Variants in SPATA17 observed in about 807,000 individuals in gnomAD.
SPATA17 encodes spermatogenesis associated 17.
SPATA17 carries 53 observed loss-of-function variants against 62.2 expected under a neutral mutation model. That is an observed-to-expected ratio of 0.85 (90% CI 0.68 to 1.07). The LOEUF is 1.07. Ranked by LOEUF, SPATA17 falls within the 50% of genes least tolerant of loss-of-function variation. SPATA17 has a pLI of 0.00. For synonymous variants in SPATA17, 146 were observed against 146.8 expected (o/e 0.99, Z 0.04); for missense variants, 466 against 425.5 (o/e 1.10, Z -0.84).
At chr1:217,712,815 G>A (rs1398422674) in intron 5 of SPATA17, among the ~76,000 whole-genome samples, 1 of 152,130 alleles carries the variant, frequency 6.6e-6, no homozygotes, top group Non-Finnish European at 1.5e-5. Flanking sequence ...GGGCTCAGCA[G>A]GGGATGTTTT....
At chr1:217,863,474 C>T (rs74447549) in intron 10 of SPATA17, among the ~76,000 whole-genome samples, 1,584 of 152,062 alleles carry the variant, frequency 0.01, 24 homozygotes, top group African/African-American at 0.035. Context: ...TTACACAATA[C>T]GGTGAAAAAA....
At chr1:217,859,565 A>G (rs1023902802) in intron 9 of SPATA17, among the ~76,000 whole-genome samples, 2 of 151,740 alleles carry the variant, frequency 1.3e-5, no homozygotes, top group African/African-American at 4.8e-5. Context: ...ACACCACAAT[A>G]CCCAGCCAAT....
At chr1:217,850,921 A>T (rs1675637957) in intron 9 of SPATA17, among the ~76,000 whole-genome samples, 1 of 152,178 alleles carries the variant, frequency 6.6e-6, no homozygotes, top group Non-Finnish European at 1.5e-5. Context: ...TGAGAAAGGT[A>T]TGATTATGCA....
chr1:217,676,418 G>A (rs1341071546), intron 4 of SPATA17, among the ~76,000 whole-genome samples: 1 of 151,864 alleles, frequency 6.6e-6, no homozygotes, highest in African/African-American at 2.4e-5. Flanking sequence ...TACCGTGCCT[G>A]TTTTGGGCCC....
intron 5 of SPATA17, among the ~76,000 whole-genome samples, chr1:217,707,192 G>GAC (rs2102923782): frequency 6.6e-6 from 1 of 152,202 alleles, no homozygotes; most frequent in South Asian, 2.1e-4. Context: ...TGTGGCTATT[G>GAC]TTAATGGCAT....
intron 5 of SPATA17, among the ~76,000 whole-genome samples, chr1:217,708,217 G>A (rs147232306): frequency 4.6e-5 from 7 of 152,242 alleles, no homozygotes; most frequent in African/African-American, 1.7e-4. Flanking sequence ...GAGCTGAAAT[G>A]AAGGAAGTTG....
intron 7 of SPATA17, among the ~76,000 whole-genome samples, chr1:217,775,429 G>T (rs572025385): frequency 6.6e-6 from 1 of 152,192 alleles, no homozygotes; most frequent in South Asian, 2.1e-4. Context: ...ACAGGGCTGG[G>T]CACAGTGGTT....
At chr1:217,775,725 A>G (rs1321894149) in intron 7 of SPATA17, among the ~76,000 whole-genome samples, 1 of 152,036 alleles carries the variant, frequency 6.6e-6, no homozygotes, top group African/African-American at 2.4e-5. Context: ...TAATCTATCT[A>G]TCTATCTATA....
chr1:217,704,146 G>A (rs1671671341), intron 5 of SPATA17, among the ~76,000 whole-genome samples: 1 of 142,216 alleles, frequency 7.0e-6, no homozygotes, highest in Non-Finnish European at 1.5e-5. Flanking sequence ...GTGGTTGGGT[G>A]TACAGATTTT....
chr1:217,770,148 A>G (rs1247845919), intron 6 of SPATA17, among the ~76,000 whole-genome samples: 1 of 152,224 alleles, frequency 6.6e-6, no homozygotes, highest in Non-Finnish European at 1.5e-5. Flanking sequence ...GGCTTAGTAT[A>G]TCATTTTTTA....
chr1:217,865,129 A>G (rs1311532264), intron 10 of SPATA17, among the ~76,000 whole-genome samples: 1 of 152,168 alleles, frequency 6.6e-6, no homozygotes, highest in Non-Finnish European at 1.5e-5. Context: ...CATTTCACCA[A>G]ATACAACAAA....
chr1:217,704,567 G>A (rs755753343), intron 5 of SPATA17, among the ~76,000 whole-genome samples: 5 of 152,092 alleles, frequency 3.3e-5, no homozygotes, highest in Non-Finnish European at 4.4e-5. Context: ...CTACCTTTAA[G>A]TGGTCTCTGA....
intron 5 of SPATA17, among the ~76,000 whole-genome samples, chr1:217,686,306 A>C (rs1239513695): frequency 6.6e-6 from 1 of 152,172 alleles, no homozygotes; most frequent in African/African-American, 2.4e-5. Flanking sequence ...ACCTTAATTC[A>C]CGTTTTTATA....
intron 6 of SPATA17, among the ~76,000 whole-genome samples, chr1:217,745,641 A>C (rs767253152): frequency 6.6e-6 from 1 of 152,136 alleles, no homozygotes. Context: ...ACTTAAACTT[A>C]TCAGTTAATC....
intron 5 of SPATA17, among the ~76,000 whole-genome samples, chr1:217,695,777 T>TG (rs1348923481): frequency 1.2e-5 from 1 of 85,008 alleles, no homozygotes; most frequent in Non-Finnish European, 2.4e-5. Flanking sequence ...GTGCCCCTGC[T>TG]GGGGGGTGCC....
chr1:217,802,384 T>C (rs565869665), intron 9 of SPATA17, among the ~76,000 whole-genome samples: 1 of 152,318 alleles, frequency 6.6e-6, no homozygotes, highest in Non-Finnish European at 1.5e-5. Flanking sequence ...TTATGTGATA[T>C]ATTAGTCTAT....
At chr1:217,774,675 A>C (rs1195704016) in intron 7 of SPATA17, 138 bp downstream of exon 7, 1 of 706,666 alleles carries the variant, frequency 1.4e-6, no homozygotes, top group East Asian at 2.7e-5. Flanking sequence ...ATTTTTGTGC[A>C]ATCAGCTGTC....
At chr1:217,806,230 G>C (rs544619751) in intron 9 of SPATA17, among the ~76,000 whole-genome samples, 1 of 152,188 alleles carries the variant, frequency 6.6e-6, no homozygotes, top group Non-Finnish European at 1.5e-5. Flanking sequence ...CAGTTCCTCT[G>C]GGATGGCAGG....
intron 6 of SPATA17, among the ~76,000 whole-genome samples, chr1:217,746,500 T>C (rs1672755187): frequency 6.6e-6 from 1 of 151,564 alleles, no homozygotes; most frequent in Admixed American, 6.6e-5. Context: ...TCAAAAAAGA[T>C]AATTTTGTAA....
Sources: allele counts gnomAD v4.1 joint callset (sites outside exome capture counted in the v4.1 genomes callset), GRCh38; gene constraint gnomAD v4.1.1; transcripts MANE v1.5; gene names NCBI Gene and HGNC (gene_info 2026-07-23, HGNC 2026-07-21).